Variants in HMGB1 observed in about 807,000 individuals in gnomAD.
The protein encoded by HMGB1 is high mobility group box 1, also known as high mobility group protein B1.
For synonymous variants in HMGB1, 81 were observed against 84.0 expected, an observed-to-expected ratio of 0.96 and a Z score of 0.19; for missense variants, 79 against 253.5, an observed-to-expected ratio of 0.31 and a Z score of 4.67.
chr13:30,474,780 T>TTTTTTG (rs1887029737), intron 1 of HMGB1, among the ~76,000 whole-genome samples: 6 of 145,316 alleles, frequency 4.1e-5, no homozygotes, highest in African/African-American at 7.8e-5. Flanking sequence ...TTTTTTTTTT[T>TTTTTTG]GAGATGGTTT....
At chr13:30,474,962 T>TGTTTG (rs751381385) in intron 1 of HMGB1, among the ~76,000 whole-genome samples, 3 of 72,140 alleles carry the variant, frequency 4.2e-5, no homozygotes, top group East Asian at 4.5e-4. Flanking sequence ...TTTTTTTGTT[T>TGTTTG]TTTTTTTTTT....
chr13:30,611,080 G>C (rs539425740), intron 1 of HMGB1, among the ~76,000 whole-genome samples: 13 of 152,274 alleles, frequency 8.5e-5, no homozygotes, highest in African/African-American at 3.1e-4. Context: ...GTGATTTTAC[G>C]GTCATCCTCA....
At chr13:30,598,457 A>G (rs717651) in intron 1 of HMGB1, among the ~76,000 whole-genome samples, 79,623 of 152,180 alleles carry the variant, frequency 0.52, 23,334 homozygotes, top group African/African-American at 0.79. Context: ...GCATAAAATA[A>G]GTGCTCAATA....
At chr13:30,510,204 T>C (rs768305590) in intron 1 of HMGB1, among the ~76,000 whole-genome samples, 1 of 152,196 alleles carries the variant, frequency 6.6e-6, no homozygotes, top group Non-Finnish European at 1.5e-5. Context: ...ACACATAATA[T>C]ATCCTCAACA....
chr13:30,490,566 C>A (rs1020381704), intron 1 of HMGB1, among the ~76,000 whole-genome samples: 1 of 149,428 alleles, frequency 6.7e-6, no homozygotes, highest in Non-Finnish European at 1.5e-5. Context: ...TTGCAGTGAG[C>A]TGACATTTTG....
chr13:30,509,113 T>C (rs972777747), intron 1 of HMGB1, among the ~76,000 whole-genome samples: 3 of 152,130 alleles, frequency 2.0e-5, no homozygotes, highest in Non-Finnish European at 4.4e-5. Flanking sequence ...AAAACATGCT[T>C]TTTTGTAGAG....
chr13:30,611,294 C>T (rs777313310), intron 1 of HMGB1, among the ~76,000 whole-genome samples: 3 of 152,182 alleles, frequency 2.0e-5, no homozygotes, highest in Non-Finnish European at 2.9e-5. Flanking sequence ...TCCTGAGTAG[C>T]TGGGACTACA....
chr13:30,560,022 G>A (rs1869880295), intron 1 of HMGB1, among the ~76,000 whole-genome samples: 1 of 152,122 alleles, frequency 6.6e-6, no homozygotes, highest in African/African-American at 2.4e-5. Flanking sequence ...TTACCAGAAT[G>A]TGTGTGTAAC....
intron 1 of HMGB1, among the ~76,000 whole-genome samples, chr13:30,483,900 T>C (rs896242330): frequency 2.0e-5 from 3 of 152,130 alleles, no homozygotes; most frequent in East Asian, 1.9e-4. Flanking sequence ...AGGTTTGAGC[T>C]ACTGCACCCA....
In HMGB1 at chr13:30,559,102, T is replaced by C. The variant is rs1386925678; in HGVS notation, c.-15+57569A>G. On this transcript the variant is annotated intron_variant, in intron 1 of 4. Transcript: ENST00000405805. The surrounding 1 kb of genome is among the most constrained non-coding windows in gnomAD (Gnocchi z 6.6). ...TTTTTAAAAATATCTTTTGAGGACTTCTCTAGAAATAGGTGAGTCTGTTTC... is the reference window on the plus strand; with the variant it reads ...TTTTTAAAAATATCTTTTGAGGACTCCTCTAGAAATAGGTGAGTCTGTTTC... 6.6e-6 allele frequency among the ~76,000 whole-genome samples: 1 copy of C among 152,130 alleles called. No homozygotes were observed. The highest frequency in any genetic ancestry group is 1.9e-4 in the East Asian group (1 of 5,182).
intron 1 of HMGB1, among the ~76,000 whole-genome samples, chr13:30,490,026 C>CAAAAA (rs780306690): frequency 4.6e-5 from 3 of 65,612 alleles, no homozygotes; most frequent in South Asian, 6.2e-4. Context: ...GCGCTGGTCT[C>CAAAAA]AAAAAAAAAA....
At chr13:30,554,569 T>G (rs1454332059) in intron 1 of HMGB1, 1 of 774,894 alleles carries the variant, frequency 1.3e-6, no homozygotes, top group Non-Finnish European at 2.4e-6. Flanking sequence ...TAGCTCCTGC[T>G]TTTGATCATT....
chr13:30,506,300 G>A (rs1887865186), intron 1 of HMGB1, among the ~76,000 whole-genome samples: 1 of 152,142 alleles, frequency 6.6e-6, no homozygotes, highest in South Asian at 2.1e-4. Flanking sequence ...CTTCTGGACT[G>A]AAGGGCATAT....
intron 1 of HMGB1, among the ~76,000 whole-genome samples, chr13:30,578,054 A>G (rs1395210374): frequency 6.6e-6 from 1 of 151,966 alleles, no homozygotes; most frequent in Non-Finnish European, 1.5e-5. Context: ...GTAAGCAGCA[A>G]GAGACTCCGT....
In HMGB1 at chr13:30,457,354, A is replaced by G. The variant is rs1035015761; in HGVS notation, c.*4003T>C. On this transcript the variant is annotated 3_prime_UTR_variant, in exon 5 of 5. Coordinates refer to ENST00000341423, the MANE Select transcript of HMGB1 (RefSeq NM_002128.7). Reference sequence around the variant, plus strand: ...CCCTTGCCCACCACTGCTCATGCTCACTTACAGGTTTAGTCATACTATTGC... The same window carrying G: ...CCCTTGCCCACCACTGCTCATGCTCGCTTACAGGTTTAGTCATACTATTGC... 6.6e-6 allele frequency: 1 copy of G among 152,144 alleles called. No homozygotes were observed. Among genetic ancestry groups the G allele is most frequent in the Non-Finnish European group, 1.5e-5 (1 of 68,046 alleles). 9.4% of individuals were successfully genotyped at this position (152,144 alleles called of 1,614,324 possible).
chr13:30,589,975 C>T (rs1334982171), intron 1 of HMGB1, among the ~76,000 whole-genome samples: 1 of 151,938 alleles, frequency 6.6e-6, no homozygotes, highest in Non-Finnish European at 1.5e-5. Context: ...AAGAAGAATG[C>T]TTTAAATAGA....
At chr13:30,461,770 T>A (rs1886355999) in intron 4 of HMGB1, 1 of 954,008 alleles carries the variant, frequency 1.0e-6, no homozygotes, top group African/African-American at 1.7e-5. Context: ...ATTTGCAAAG[T>A]TATGCCTCAT....
chr13:30,491,706 T>C (rs1374466660), intron 1 of HMGB1, among the ~76,000 whole-genome samples: 1 of 150,838 alleles, frequency 6.6e-6, no homozygotes, highest in Non-Finnish European at 1.5e-5. Context: ...GACTTTTACA[T>C]CATGCTACAT....
At chr13:30,605,405 AAG>A (rs1950447780) in intron 1 of HMGB1, among the ~76,000 whole-genome samples, 1 of 152,248 alleles carries the variant, frequency 6.6e-6, no homozygotes, top group Non-Finnish European at 1.5e-5. Flanking sequence ...ATGTTTAAAA[AAG>A]AGGAGGAACC....
Sources: gnomAD v4.1 joint callset for allele counts (sites outside exome capture counted in the v4.1 genomes callset) on GRCh38, gnomAD v4.1.1 for gene constraint, Gnocchi (gnomAD v3.1) non-coding constraint, MANE v1.5 for transcripts, NCBI Gene and HGNC (gene_info 2026-07-23, HGNC 2026-07-21) for gene names.